The following FCER2 variants were observed in gnomAD, a reference collection of about 807,000 sequenced individuals.
FCER2 encodes low affinity immunoglobulin epsilon Fc receptor.
A neutral mutation model predicts 49.7 loss-of-function variants in FCER2; 38 were observed. The observed-to-expected ratio is 0.76, with a 90% confidence interval of 0.59 to 1.00. FCER2 has a LOEUF of 1.00. Among genes scored for constraint, FCER2 ranks in the 50% least tolerant of loss-of-function variants. The pLI, the probability that FCER2 is intolerant of heterozygous loss-of-function variation, is 0.00. For synonymous variants in FCER2, 163 were observed against 164.6 expected (o/e 0.99, Z 0.07); for missense variants, 425 against 419.5 (o/e 1.01, Z -0.11).
At position 7,691,545 on chromosome 19, in the gene FCER2, C is replaced by T. The variant is rs116863144; in HGVS notation, c.470-988G>A. ...ATTATCACCCACATCACCAGTTCCA[C>T]AGCCAGCAGCACCTCAGCCACAAGC... On this transcript the variant is annotated intron_variant, in intron 8 of 10. Transcript: ENST00000597921. Among the ~76,000 whole-genome samples, 348 of 152,260 alleles carry T rather than the reference C, an allele frequency of 2.3e-3. 1 individual carries two copies. The highest frequency in any genetic ancestry group is 4.6e-3 in the Admixed American group (71 of 15,288).
chr19:7,690,047 G>T, intron 10 of FCER2, 112 bp downstream of exon 10: 2 of 742,776 alleles, frequency 2.7e-6, no homozygotes, highest in Non-Finnish European at 2.3e-6. Context: ...CTGCACCCTA[G>T]AGACCCTTAT....
intron 9 of FCER2, 52 bp downstream of exon 9, chr19:7,690,354 G>A: frequency 1.3e-6 from 2 of 1,598,246 alleles, no homozygotes; most frequent in Non-Finnish European, 1.7e-6. Context: ...TGGGGTGGGG[G>A]TCCCCCCACC....
At chr19:7,699,966 T>G (rs2033119096) in intron 1 of FCER2, 121 bp from the exon 2 acceptor site, 1 of 622,880 alleles carries the variant, frequency 1.6e-6, no homozygotes, top group Admixed American at 2.5e-5. Flanking sequence ...GTCTACAATC[T>G]GGACTCACTA....
intron 8 of FCER2, among the ~76,000 whole-genome samples, chr19:7,691,601 A>G (rs1396608618): frequency 6.6e-6 from 1 of 151,466 alleles, no homozygotes; most frequent in African/African-American, 2.4e-5. Flanking sequence ...CACCACCCTC[A>G]TCACCTCAAA....
At position 7,691,971 on chromosome 19, in the gene FCER2, T is replaced by A. The variant is rs62110728; in HGVS notation, c.470-1414A>T. ...CAACTACCAACACCATTGTCACACA[T>A]TCACATTCACGTCCATCAACACATC... On this transcript the variant is annotated intron_variant, in intron 8 of 10. Coordinates refer to ENST00000597921, the MANE Select transcript of FCER2 (RefSeq NM_001220500.2). Among the ~76,000 whole-genome samples the A allele has an allele frequency of 1.5e-4, 10 of 66,840 alleles. 1 individual carries two copies. The highest frequency in any genetic ancestry group is 5.9e-4 in the African/African-American group (6 of 10,118). 43.8% of individuals were successfully genotyped at this position (66,840 alleles called of 152,430 possible).
chr19:7,698,852 T>C lies in FCER2; in HGVS notation c.25A>G (p.Ile9Val), dbSNP rs752383168. The C allele has an allele frequency of 1.9e-6, 3 of 1,591,788 alleles. No homozygotes were observed. The highest frequency in any genetic ancestry group is 1.7e-6 in the Non-Finnish European group (2 of 1,171,290). MEEGQYSE[I>V]EELPRRRCCR... Reference sequence around the variant, plus strand: ...CACCGCCTCCTGGGAAGCTCCTCGATCTCTGCCGGGGGTGGAGGGACTGAC... The same window carrying C: ...CACCGCCTCCTGGGAAGCTCCTCGACCTCTGCCGGGGGTGGAGGGACTGAC... Residue 9 changes from isoleucine (I) to valine (V), a missense_variant and splice_region_variant, in exon 3 of 11, where the codon ATC (isoleucine) becomes GTC (valine). Physicochemically the swap from Ile to Val is conservative, Grantham distance 29. Coordinates refer to ENST00000597921, the MANE Select transcript of FCER2 (RefSeq NM_001220500.2).
Position 7,691,916 on chromosome 19 carries a change from C to A in FCER2, c.470-1359G>T, listed in dbSNP as rs975565735. On this transcript the variant is annotated intron_variant, in intron 8 of 10. Coordinates refer to ENST00000597921, the MANE Select transcript of FCER2 (RefSeq NM_001220500.2). ...AGCACCTCAACCACCAGCACTATCA[C>A]CACAAATACATTCATGTCCAACAAC... Among the ~76,000 whole-genome samples the A allele has an allele frequency of 5.9e-4, 90 of 152,278 alleles. 1 individual carries two copies. The highest frequency in any genetic ancestry group is 1.2e-3 in the Non-Finnish European group (81 of 68,020).
chr19:7,689,182 T>A lies in FCER2; in HGVS notation c.*11A>T. The A allele has an allele frequency of 6.3e-7, 1 of 1,577,188 alleles. No individual in the cohort carries two copies. Among genetic ancestry groups the A allele is most frequent in the Middle Eastern group, 1.7e-4 (1 of 5,760 alleles). ...TTCAGGGTCTTGCTCTGGGCCTGGC[T>A]GTATCCATGCTCAAGAGTGGAGAGG... On this transcript the variant is annotated 3_prime_UTR_variant, in exon 11 of 11. Transcript: ENST00000597921.
intron 2 of FCER2, 98 bp downstream of exon 2, chr19:7,699,641 C>T (rs2146283412): frequency 7.5e-7 from 1 of 1,325,576 alleles, no homozygotes; most frequent in East Asian, 2.4e-5. Flanking sequence ...ACCCTCTTTC[C>T]CAGAGAGGGA....
In FCER2 at chr19:7,689,214, G is replaced by A. The variant is rs909823093; in HGVS notation, c.945C>T (p.Pro315=). Residue 315 remains proline (P), a synonymous_variant, in exon 11 of 11, where the codon CCC becomes CCT. Transcript: ENST00000597921. ...ATGCTCAAGAGTGGAGAGGGGCAGA[G>A]GGGGTGGGCAGGCGGCCGTCAGGGT... The part of the protein sequence containing the change: ...RPDPDGRLPT[P]SAPLHS 3 of 1,611,918 alleles carry A rather than the reference G, an allele frequency of 1.9e-6. No homozygotes were observed. Among genetic ancestry groups the A allele is most frequent in the Admixed American group, 3.3e-5 (2 of 59,996 alleles).
At chr19:7,696,717 GTATAGACA>G (rs1378345606) in intron 8 of FCER2, 100 bp downstream of exon 8, 1 of 784,050 alleles carries the variant, frequency 1.3e-6, no homozygotes, top group African/African-American at 1.7e-5. Context: ...TCACACAAAC[GTATAGACA>G]TGCTGCCTCA....
rs1443280333 is a variant in FCER2 at position 7,702,009 on chromosome 19, A to G, written c.-86+6T>C. On this transcript the variant is annotated splice_donor_region_variant and intron_variant, in intron 1 of 10. Coordinates refer to ENST00000597921, the MANE Select transcript of FCER2 (RefSeq NM_001220500.2). ...ATGGCCAACCCCCAACACACCAGAT[A>G]CGTACTCACTTAGTGGAGTTTGGAG... 1 of 152,084 alleles carries G rather than the reference A, an allele frequency of 6.6e-6. No homozygotes were observed. The highest frequency in any genetic ancestry group is 1.5e-5 in the Non-Finnish European group (1 of 68,046). 9.4% of individuals were successfully genotyped at this position (152,084 alleles called of 1,614,324 possible). A position where few individuals can be genotyped will look rare whatever the true frequency, so the allele number is the denominator to read the frequency against.
chr19:7,699,744 T>G lies in FCER2; in HGVS notation c.17A>C (p.Tyr6Ser). Residue 6 changes from tyrosine to serine, a missense_variant, in exon 2 of 11, where the codon TAT becomes TCT. Transcript: ENST00000597921. ...GAACCAGAGAGTCCTCCTACCTGAA[T>G]ATTGACCTTCCTCCATGGCGGTCCT... MEEGQ[Y>S]SEIEELPRRR... 2 of 1,613,938 alleles carry G rather than the reference T, an allele frequency of 1.2e-6. No individual in the cohort carries two copies. The highest frequency in any genetic ancestry group is 1.7e-6 in the Non-Finnish European group (2 of 1,179,866).
intron 3 of FCER2, 34 bp downstream of exon 3, chr19:7,698,707 T>G: frequency 1.9e-6 from 3 of 1,605,120 alleles, no homozygotes; most frequent in South Asian, 2.2e-5. Context: ...CCCCATGAGT[T>G]GGGGGGACCA....
chr19:7,688,935 GT>G lies in FCER2; in HGVS notation c.*257del, dbSNP rs1483487251. On this transcript the variant is annotated 3_prime_UTR_variant, in exon 11 of 11. Transcript: ENST00000597921. ...CTCATCTGGAGAGGGTGCTGTTGGG[GT>G]GTACTCTCATCTGGAGAGGGTGCTG... The G allele has an allele frequency of 8.8e-4, 415 of 470,484 alleles. No individual in the cohort carries two copies. The highest frequency in any genetic ancestry group is 1.1e-3 in the Non-Finnish European group (275 of 255,764). 29.1% of individuals were successfully genotyped at this position (470,484 alleles called of 1,614,324 possible). A position where few individuals can be genotyped will look rare whatever the true frequency, so the allele number is the denominator to read the frequency against.
At chr19:7,697,419 C>T in intron 5 of FCER2, 108 bp downstream of exon 5, 1 of 1,467,760 alleles carries the variant, frequency 6.8e-7, no homozygotes, top group Non-Finnish European at 9.5e-7. Context: ...TTTGCAGTTC[C>T]CGGGTGTCGG....
intron 8 of FCER2, among the ~76,000 whole-genome samples, chr19:7,692,570 G>A (rs67733748): frequency 0.27 from 29,758 of 111,434 alleles, 7,880 homozygotes; most frequent in African/African-American, 0.47. Flanking sequence ...CCAACAACAC[G>A]TAAACCCCTA....
intron 8 of FCER2, among the ~76,000 whole-genome samples, chr19:7,693,558 G>A (rs1393244976): frequency 2.0e-5 from 3 of 152,022 alleles, no homozygotes; most frequent in African/African-American, 7.2e-5. Context: ...ACCAGCCTGG[G>A]CAACATAGCA....
At chr19:7,700,639 C>T (rs560520110) in intron 1 of FCER2, among the ~76,000 whole-genome samples, 56 of 151,948 alleles carry the variant, frequency 3.7e-4, no homozygotes, top group Non-Finnish European at 5.1e-4. Context: ...CTCAGCCTCC[C>T]GAGTAGCTGG....
Sources: gnomAD v4.1 joint callset for allele counts (sites outside exome capture counted in the v4.1 genomes callset) on GRCh38, gnomAD v4.1.1 for gene constraint, MANE v1.5 for transcripts, NCBI Gene and HGNC (gene_info 2026-07-23, HGNC 2026-07-21) for gene names.